NRXN1: variants seen among roughly 807,000 people sequenced by gnomAD.
NRXN1 encodes the protein neurexin 1, also known as neurexin-1.
In NRXN1, 39 loss-of-function variants were observed where a neutral mutation model predicts 150.9. The observed-to-expected ratio is 0.26, with a 90% CI of 0.20 to 0.34. NRXN1 has a LOEUF of 0.34. Among genes scored for constraint, NRXN1 ranks in the 10% least tolerant of loss-of-function variants. The probability of loss-of-function intolerance (pLI) is 1.00; values close to 1 mark genes in which losing one functional copy is unlikely to be tolerated. For missense variants in NRXN1, 1,815 were observed against 1,949.9 expected (o/e 0.93, Z 1.30); for synonymous variants, 924 against 757.0 (o/e 1.22, Z -3.62).
At chr2:50,442,129 G>C (rs556204862) in intron 17 of NRXN1, among the ~76,000 whole-genome samples, 2 of 152,190 alleles carry the variant, frequency 1.3e-5, no homozygotes, top group East Asian at 3.9e-4. Context: ...GACTTCATGG[G>C]CTCAAATCTC....
chr2:50,894,451 G>C (rs937733714), intron 5 of NRXN1, among the ~76,000 whole-genome samples: 1 of 151,480 alleles, frequency 6.6e-6, no homozygotes, highest in Admixed American at 6.6e-5. Flanking sequence ...TTCAAGATTT[G>C]TCCTGATTAT....
At chr2:50,014,891 T>C (rs1456334101) in intron 21 of NRXN1, among the ~76,000 whole-genome samples, 3 of 152,114 alleles carry the variant, frequency 2.0e-5, no homozygotes, top group Non-Finnish European at 2.9e-5. Context: ...ATGAAAAAAA[T>C]GGCAGACATT....
intron 5 of NRXN1, among the ~76,000 whole-genome samples, chr2:50,742,101 A>G (rs1056049789): frequency 1.3e-5 from 2 of 152,160 alleles, no homozygotes; most frequent in East Asian, 3.9e-4. Context: ...ATCACTTTAA[A>G]CCACAGGTAA....
chr2:49,932,943 C>G (rs991027209), intron 22 of NRXN1, among the ~76,000 whole-genome samples: 5 of 152,138 alleles, frequency 3.3e-5, no homozygotes, highest in African/African-American at 4.8e-5. Context: ...TCAGGTCTGT[C>G]TATGGCTACT....
At chr2:50,892,377 A>T (rs1395139696) in intron 5 of NRXN1, among the ~76,000 whole-genome samples, 1 of 152,186 alleles carries the variant, frequency 6.6e-6, no homozygotes, top group Non-Finnish European at 1.5e-5. Context: ...TGAGAGATCA[A>T]TATCTCCTAA....
chr2:50,318,622 A>C (rs1460857534), intron 17 of NRXN1, among the ~76,000 whole-genome samples: 1 of 152,150 alleles, frequency 6.6e-6, no homozygotes, highest in Non-Finnish European at 1.5e-5. Context: ...ATTAAATTAA[A>C]TGCTATAATA....
At chr2:50,480,671 C>G (rs1004394277) in intron 15 of NRXN1, among the ~76,000 whole-genome samples, 9 of 152,124 alleles carry the variant, frequency 5.9e-5, no homozygotes, top group Non-Finnish European at 1.2e-4. Flanking sequence ...TCAAAGACTC[C>G]TAAGGTTAGA....
chr2:50,852,660 A>T (rs890486088), intron 5 of NRXN1, among the ~76,000 whole-genome samples: 1 of 152,196 alleles, frequency 6.6e-6, no homozygotes, highest in Non-Finnish European at 1.5e-5. Context: ...TTAATTTCTC[A>T]TTCATATATA....
chr2:50,636,071 T>A (rs925535638), intron 5 of NRXN1, among the ~76,000 whole-genome samples: 40 of 152,276 alleles, frequency 2.6e-4, no homozygotes, highest in Middle Eastern at 3.4e-3. Context: ...TTGCCCAGAA[T>A]ATCACGATGC....
chr2:50,469,356 A>G (rs2089238115), intron 16 of NRXN1, among the ~76,000 whole-genome samples: 1 of 151,738 alleles, frequency 6.6e-6, no homozygotes, highest in East Asian at 1.9e-4. Context: ...AAAAGGCAAC[A>G]AGTGATTATT....
chr2:50,064,249 T>A (rs575126165), intron 19 of NRXN1, among the ~76,000 whole-genome samples: 1 of 151,800 alleles, frequency 6.6e-6, no homozygotes. Context: ...ATTATATATA[T>A]AAAATGACTC....
intron 5 of NRXN1, among the ~76,000 whole-genome samples, chr2:50,683,958 C>T (rs952887158): frequency 6.6e-6 from 1 of 151,908 alleles, no homozygotes; most frequent in African/African-American, 2.4e-5. Context: ...TCTGTAAATA[C>T]ATCTTCCCTA....
intron 8 of NRXN1, among the ~76,000 whole-genome samples, chr2:50,587,201 T>TGTAA (rs1673290537): frequency 6.6e-6 from 1 of 152,300 alleles, no homozygotes; most frequent in South Asian, 2.1e-4. Flanking sequence ...AATCCCTGTT[T>TGTAA]TGGCCAGGCA....
intron 17 of NRXN1, among the ~76,000 whole-genome samples, chr2:50,304,875 A>C (rs2152957590): frequency 6.6e-6 from 1 of 152,220 alleles, no homozygotes; most frequent in South Asian, 2.1e-4. Context: ...GCGGATCAGA[A>C]GGTCAGGAGT....
intron 19 of NRXN1, among the ~76,000 whole-genome samples, chr2:50,086,148 T>C (rs901859828): frequency 2.6e-5 from 4 of 152,210 alleles, no homozygotes; most frequent in African/African-American, 9.6e-5. Context: ...AATTACATGA[T>C]ACTTTGAAAA....
intron 21 of NRXN1, among the ~76,000 whole-genome samples, chr2:50,048,877 T>G (rs1457848351): frequency 2.0e-5 from 3 of 152,170 alleles, no homozygotes; most frequent in Non-Finnish European, 2.9e-5. Context: ...CTGTCTCACT[T>G]TATAATTTAA....
intron 18 of NRXN1, among the ~76,000 whole-genome samples, chr2:50,116,203 C>T (rs1333565796): frequency 6.6e-6 from 1 of 151,996 alleles, no homozygotes; most frequent in Non-Finnish European, 1.5e-5. Flanking sequence ...GGCTTATCTA[C>T]AGCAATTGAA....
intron 17 of NRXN1, among the ~76,000 whole-genome samples, chr2:50,284,787 T>A (rs923760160): frequency 1.2e-4 from 19 of 152,156 alleles, no homozygotes; most frequent in Non-Finnish European, 4.4e-5. Flanking sequence ...ATTTATCACA[T>A]ACACCACAAT....
At chr2:50,522,738 T>C (rs891367260) in intron 12 of NRXN1, among the ~76,000 whole-genome samples, 3 of 129,342 alleles carry the variant, frequency 2.3e-5, no homozygotes, top group African/African-American at 9.1e-5. Flanking sequence ...TTTTTTTTTT[T>C]TTTTTTTTTT....
Sources: gnomAD v4.1 joint callset for allele counts (sites outside exome capture counted in the v4.1 genomes callset) on GRCh38, gnomAD v4.1.1 for gene constraint, MANE v1.5 for transcripts, NCBI Gene and HGNC (gene_info 2026-07-23, HGNC 2026-07-21) for gene names.